Variants in UBE2D1 observed in about 807,000 individuals in gnomAD.
UBE2D1 encodes the protein ubiquitin conjugating enzyme E2 D1, also known as ubiquitin-conjugating enzyme E2 D1.
Under a neutral mutation model 24.6 loss-of-function variants are expected in UBE2D1, and 9 were observed. The observed-to-expected ratio is 0.37, with a 90% CI of 0.22 to 0.64. UBE2D1 has a LOEUF of 0.64. UBE2D1 is among the 30% of genes least tolerant of loss of function. The probability of loss-of-function intolerance (pLI) is 0.64; values close to 1 mark genes in which losing one functional copy is unlikely to be tolerated. For missense variants in UBE2D1, 87 were observed against 177.1 expected, an observed-to-expected ratio of 0.49 and a Z score of 2.89; for synonymous variants, 57 against 57.6, an observed-to-expected ratio of 0.99 and a Z score of 0.04.
At chr10:58,359,526 A>G (rs576380984) in intron 1 of UBE2D1, among the ~76,000 whole-genome samples, 45 of 152,156 alleles carry the variant, frequency 3.0e-4, no homozygotes, top group Non-Finnish European at 5.3e-4. Context: ...TTGTTTCTTC[A>G]TATCACAAGG....
chr10:58,337,578 A>G (rs1469599865), intron 1 of UBE2D1, among the ~76,000 whole-genome samples: 2 of 152,014 alleles, frequency 1.3e-5, no homozygotes, highest in Non-Finnish European at 2.9e-5. Flanking sequence ...GTACCTATAG[A>G]TGGTGGCAGG....
rs747913926 is a variant in UBE2D1 at position 58,369,334 on chromosome 10, T to C, written c.*569T>C. On this transcript the variant is annotated 3_prime_UTR_variant, in exon 7 of 7. Coordinates refer to ENST00000373910, the MANE Select transcript of UBE2D1 (RefSeq NM_003338.5). Reference sequence around the variant, plus strand: ...TGTCTTAGGATATTCTGTAGATTGATTGCAGATTTCTTAAATCTGAAATGA... The same window carrying C: ...TGTCTTAGGATATTCTGTAGATTGACTGCAGATTTCTTAAATCTGAAATGA... 6.6e-6 allele frequency: 1 copy of C among 152,602 alleles called. No homozygotes were observed. The highest frequency in any genetic ancestry group is 1.5e-5 in the Non-Finnish European group (1 of 67,876). 9.5% of individuals were successfully genotyped at this position (152,602 alleles called of 1,614,324 possible). A position where few individuals can be genotyped will look rare whatever the true frequency, so the allele number is the denominator to read the frequency against.
In UBE2D1 at chr10:58,361,324, T is replaced by C. The variant is rs746166906; in HGVS notation, c.25-14T>C. On this transcript the variant is annotated splice_polypyrimidine_tract_variant and intron_variant, in intron 1 of 6. Coordinates refer to ENST00000373910, the MANE Select transcript of UBE2D1 (RefSeq NM_003338.5). ...AAGAAGGAATTAACCTTACATATTT[T>C]TGATTTCCTTCAGGAATTGAGTGAT... 1.0e-4 allele frequency: 167 copies of C among 1,613,882 alleles called. No homozygotes were observed. The highest frequency in any genetic ancestry group is 1.3e-4 in the Non-Finnish European group (154 of 1,179,854).
intron 1 of UBE2D1, among the ~76,000 whole-genome samples, chr10:58,344,247 G>A (rs1422985028): frequency 1.3e-5 from 2 of 152,148 alleles, no homozygotes; most frequent in Non-Finnish European, 2.9e-5. Flanking sequence ...CAGTACTGGA[G>A]CATTGTTTGC....
rs899367504 is a variant in UBE2D1, at chr10:58,370,049, T to A, written c.*1284T>A. The stretch of plus-strand genomic sequence containing the variant: ...TTAATGCCATCACAATTTGAAAAAC[T>A]TTTTTTTTTTTTTTACTATAGAAGT... On this transcript the variant is annotated 3_prime_UTR_variant, in exon 7 of 7. Coordinates refer to ENST00000373910, the MANE Select transcript of UBE2D1 (RefSeq NM_003338.5). 9.1e-6 allele frequency: 1 copy of A among 109,502 alleles called. No individual in the cohort carries two copies. Among genetic ancestry groups the A allele is most frequent in the African/African-American group, 5.3e-5 (1 of 18,816 alleles). 6.8% of individuals were successfully genotyped at this position (109,502 alleles called of 1,614,324 possible). A position where few individuals can be genotyped will look rare whatever the true frequency, so the allele number is the denominator to read the frequency against.
chr10:58,351,146 A>G (rs1301284320), intron 1 of UBE2D1, among the ~76,000 whole-genome samples: 1 of 152,220 alleles, frequency 6.6e-6, no homozygotes, highest in Non-Finnish European at 1.5e-5. Context: ...CTTGGGCATT[A>G]CTGTACACTG....
chr10:58,337,214 A>G (rs1055734915), intron 1 of UBE2D1, among the ~76,000 whole-genome samples: 2 of 152,118 alleles, frequency 1.3e-5, no homozygotes, highest in Non-Finnish European at 2.9e-5. Context: ...GAAATTGGGG[A>G]TGACACACCA....
chr10:58,350,070 G>A (rs925422689), intron 1 of UBE2D1, among the ~76,000 whole-genome samples: 4 of 152,124 alleles, frequency 2.6e-5, no homozygotes, highest in African/African-American at 9.7e-5. Context: ...TTCTACTGTT[G>A]GTGGACATTG....
chr10:58,336,018 G>T (rs1839900094), intron 1 of UBE2D1, among the ~76,000 whole-genome samples: 1 of 152,122 alleles, frequency 6.6e-6, no homozygotes, highest in African/African-American at 2.4e-5. Flanking sequence ...TTGACACATG[G>T]GTATAGAATG....
chr10:58,346,750 C>T (rs554108605), intron 1 of UBE2D1, among the ~76,000 whole-genome samples: 2 of 152,176 alleles, frequency 1.3e-5, no homozygotes, highest in South Asian at 2.1e-4. Context: ...TGGAAAACAT[C>T]GAAGAGGTTT....
At position 58,340,908 on chromosome 10, in the gene UBE2D1, G is replaced by T. The variant is rs112531986; in HGVS notation, c.24+5683G>T. On this transcript the variant is annotated intron_variant, in intron 1 of 6. Coordinates refer to ENST00000373910, the MANE Select transcript of UBE2D1 (RefSeq NM_003338.5). Reference sequence around the variant, plus strand: ...AAGACATAGAGTCAAATGGGTTTATGGGATATAAGTGCTTTGCAAACTGGA... The same window carrying T: ...AAGACATAGAGTCAAATGGGTTTATTGGATATAAGTGCTTTGCAAACTGGA... 4.0e-3 allele frequency among the ~76,000 whole-genome samples: 614 copies of T among 152,242 alleles called. 8 individuals are homozygous for T. The highest frequency in any genetic ancestry group is 7.3e-3 in the South Asian group (35 of 4,824).
chr10:58,352,665 A>G (rs1840090314), intron 1 of UBE2D1, among the ~76,000 whole-genome samples: 2 of 152,140 alleles, frequency 1.3e-5, no homozygotes, highest in African/African-American at 4.8e-5. Context: ...GTGTGCCCCA[A>G]GTTTAAAGAG....
intron 1 of UBE2D1, among the ~76,000 whole-genome samples, chr10:58,346,819 A>T (rs938852731): frequency 6.6e-6 from 1 of 152,176 alleles, no homozygotes; most frequent in African/African-American, 2.4e-5. Context: ...AAATAGGAGG[A>T]CAGTAGGTAA....
At chr10:58,357,721 A>G (rs1840147947) in intron 1 of UBE2D1, among the ~76,000 whole-genome samples, 1 of 152,148 alleles carries the variant, frequency 6.6e-6, no homozygotes, top group African/African-American at 2.4e-5. Context: ...GTATTTCCAG[A>G]CACATGGATT....
intron 1 of UBE2D1, among the ~76,000 whole-genome samples, chr10:58,351,473 A>T (rs1294610935): frequency 2.0e-5 from 3 of 152,066 alleles, no homozygotes; most frequent in Non-Finnish European, 2.9e-5. Context: ...GCCTAGGCTT[A>T]CACAGGGTCA....
rs141787092 is a variant in UBE2D1 at position 58,351,761 on chromosome 10, C to T, written c.25-9577C>T. ...ACTGTCATTTATTATGCACCATACA[C>T]AGTTGTATGTGCTATACTTTTATAG... On this transcript the variant is annotated intron_variant, in intron 1 of 6. Coordinates refer to ENST00000373910, the MANE Select transcript of UBE2D1 (RefSeq NM_003338.5). 1.4e-4 allele frequency among the ~76,000 whole-genome samples: 21 copies of T among 152,300 alleles called. No homozygotes were observed. The East Asian group carries it at 3.7e-3, about 27-fold the overall frequency.
intron 1 of UBE2D1, among the ~76,000 whole-genome samples, chr10:58,359,201 A>T (rs985830611): frequency 3.3e-5 from 5 of 152,060 alleles, no homozygotes; most frequent in African/African-American, 1.2e-4. Context: ...CACTGAACTC[A>T]TTGCCATAAT....
At chr10:58,351,827 A>C (rs1840080186) in intron 1 of UBE2D1, among the ~76,000 whole-genome samples, 1 of 152,186 alleles carries the variant, frequency 6.6e-6, no homozygotes, top group Non-Finnish European at 1.5e-5. Flanking sequence ...AGCATCACTA[A>C]AGCATATGAG....
At chr10:58,340,835 A>G (rs1484469777) in intron 1 of UBE2D1, among the ~76,000 whole-genome samples, 2 of 152,232 alleles carry the variant, frequency 1.3e-5, no homozygotes, top group Non-Finnish European at 2.9e-5. Flanking sequence ...ACTTCAGTAC[A>G]TAGCTTCTCT....
Sources: allele counts gnomAD v4.1 joint callset (sites outside exome capture counted in the v4.1 genomes callset), GRCh38; gene constraint gnomAD v4.1.1; transcripts MANE v1.5; gene names NCBI Gene and HGNC (gene_info 2026-07-23, HGNC 2026-07-21).